The following SPATA13 variants were observed in gnomAD, a reference collection of about 807,000 sequenced individuals.
SPATA13 encodes the protein spermatogenesis-associated protein 13.
Under a neutral mutation model 104.0 loss-of-function variants are expected in SPATA13, and 50 were observed. The ratio of observed to expected loss-of-function variants is 0.48; its 90% CI spans 0.38 to 0.61. SPATA13 has a LOEUF of 0.61. Among genes scored for constraint, SPATA13 ranks in the 20% least tolerant of loss-of-function variants. The probability of loss-of-function intolerance (pLI) is 0.00; values close to 1 mark genes in which losing one functional copy is unlikely to be tolerated. For synonymous variants in SPATA13, 606 were observed against 667.5 expected, an observed-to-expected ratio of 0.91 and a Z score of 1.42; for missense variants, 1,524 against 1,690.6, an observed-to-expected ratio of 0.90 and a Z score of 1.73.
chr13:24,010,539 T>A (rs1325170561), intron 2 of SPATA13, among the ~76,000 whole-genome samples: 1 of 151,830 alleles, frequency 6.6e-6, no homozygotes, highest in Non-Finnish European at 1.5e-5. Context: ...CCAGCTTGAC[T>A]TTTCCCTTGG....
intron 2 of SPATA13, among the ~76,000 whole-genome samples, chr13:23,986,948 T>C (rs958311374): frequency 6.6e-6 from 1 of 151,952 alleles, no homozygotes; most frequent in Non-Finnish European, 1.5e-5. Context: ...TTTTACATTA[T>C]GGGAAATTTG....
At chr13:24,002,704 C>A (rs1876035926) in intron 2 of SPATA13, among the ~76,000 whole-genome samples, 1 of 152,166 alleles carries the variant, frequency 6.6e-6, no homozygotes, top group East Asian at 1.9e-4. Flanking sequence ...GGAAGAGCAT[C>A]CAGTGCACCT....
intron 1 of SPATA13, among the ~76,000 whole-genome samples, chr13:24,182,197 A>G (rs1267443718): frequency 6.6e-6 from 1 of 152,208 alleles, no homozygotes; most frequent in African/African-American, 2.4e-5. Flanking sequence ...TGAGGCTTAG[A>G]AGCAGGAAAG....
intron 2 of SPATA13, among the ~76,000 whole-genome samples, chr13:24,246,233 T>C (rs1873124014): frequency 6.6e-6 from 1 of 152,248 alleles, no homozygotes; most frequent in South Asian, 2.1e-4. Context: ...TGAACCTTTT[T>C]ATTACAGGGC....
At chr13:24,183,528 A>G (rs1868941212) in intron 1 of SPATA13, among the ~76,000 whole-genome samples, 1 of 152,298 alleles carries the variant, frequency 6.6e-6, no homozygotes, top group Non-Finnish European at 1.5e-5. Context: ...CACGGGCCAC[A>G]TGCAGCCCAA....
intron 3 of SPATA13, among the ~76,000 whole-genome samples, chr13:24,068,459 A>G (rs1306128175): frequency 6.6e-6 from 1 of 152,184 alleles, no homozygotes; most frequent in East Asian, 1.9e-4. Context: ...GTGTCTTTAT[A>G]ATAGAACAAT....
intron 3 of SPATA13, among the ~76,000 whole-genome samples, chr13:24,140,496 C>T (rs892347035): frequency 2.0e-5 from 3 of 152,204 alleles, no homozygotes; most frequent in Admixed American, 6.5e-5. Context: ...GATTCTGGAA[C>T]CCCAAACACA....
chr13:24,034,114 C>T (rs1245691309), intron 3 of SPATA13: 1 of 152,134 alleles, frequency 6.6e-6, no homozygotes, highest in Admixed American at 6.5e-5. Flanking sequence ...AATCATGAGA[C>T]CGTCGACATT....
intron 3 of SPATA13, among the ~76,000 whole-genome samples, chr13:24,124,160 T>C (rs1881133567): frequency 6.6e-6 from 1 of 152,228 alleles, no homozygotes; most frequent in African/African-American, 2.4e-5. Flanking sequence ...AGAAAGCAGT[T>C]ATTAGAGTTC....
At chr13:24,140,544 T>C (rs1881729787) in intron 3 of SPATA13, among the ~76,000 whole-genome samples, 1 of 152,158 alleles carries the variant, frequency 6.6e-6, no homozygotes, top group African/African-American at 2.4e-5. Flanking sequence ...TGGATCCAAA[T>C]TCAGCCTCTC....
intron 3 of SPATA13, among the ~76,000 whole-genome samples, chr13:24,113,489 A>T (rs1436099372): frequency 6.6e-6 from 1 of 152,194 alleles, no homozygotes; most frequent in East Asian, 1.9e-4. Context: ...CTGTAGTCCC[A>T]GCTGCTCGGG....
chr13:24,001,779 T>G (rs968040268), intron 2 of SPATA13, among the ~76,000 whole-genome samples: 3 of 151,754 alleles, frequency 2.0e-5, no homozygotes, highest in African/African-American at 7.3e-5. Context: ...GAGTCAGCAC[T>G]GGGTGGGGGC....
chr13:24,270,431 C>T (rs573257358), intron 4 of SPATA13, among the ~76,000 whole-genome samples: 4 of 152,202 alleles, frequency 2.6e-5, no homozygotes, highest in African/African-American at 4.8e-5. Flanking sequence ...GACCCCTGTG[C>T]TTTTCTCTTG....
In SPATA13 at chr13:24,297,787, C is replaced by T. The variant is rs570619548; in HGVS notation, c.3583+52C>T. 258 of 1,556,454 alleles carry T rather than the reference C, an allele frequency of 1.7e-4. 1 individual carries two copies. In the African/African-American group the frequency reaches 3.2e-3, roughly 19 times the overall value. On this transcript the variant is annotated intron_variant, in intron 11 of 12. Transcript: ENST00000382108. The stretch of plus-strand genomic sequence containing the variant: ...CCTGTGCCTCTGCTTGCTGTAATAG[C>T]TTCATTCTCCACTCCCATGGGCCTG...
At chr13:24,201,627 G>A (rs1466192373) in intron 1 of SPATA13, among the ~76,000 whole-genome samples, 1 of 152,172 alleles carries the variant, frequency 6.6e-6, no homozygotes, top group Admixed American at 6.5e-5. Context: ...TTTTAGTAGA[G>A]ACAGGGTTTC....
At chr13:24,160,430 G>T (rs1443157091), upstream of SPATA13, among the ~76,000 whole-genome samples, 1 of 152,142 alleles carries the variant, frequency 6.6e-6, no homozygotes, top group African/African-American at 2.4e-5. Flanking sequence ...TTTTATTAGA[G>T]ACGGGGTTTC....
intron 3 of SPATA13, among the ~76,000 whole-genome samples, chr13:24,151,653 A>G (rs1035923931): frequency 6.6e-6 from 1 of 152,132 alleles, no homozygotes; most frequent in African/African-American, 2.4e-5. Context: ...TCAACTGTCC[A>G]AGTTCAAACA....
chr13:23,993,178 C>T (rs1875495154), intron 2 of SPATA13, among the ~76,000 whole-genome samples: 1 of 152,226 alleles, frequency 6.6e-6, no homozygotes, highest in African/African-American at 2.4e-5. Flanking sequence ...CAAGGCTTGG[C>T]CCACTGTGGC....
At position 24,306,482 on chromosome 13, in the gene SPATA13, C is replaced by T. The variant is rs1269089215; in HGVS notation, c.*3709C>T. On this transcript the variant is annotated 3_prime_UTR_variant, in exon 13 of 13. Transcript: ENST00000382108. ...AGCTCACAGGCCAGAAATGGAGGAC[C>T]CAAGTCAACTAGGTGAAACTACTAG... The T allele has an allele frequency of 1.3e-5, 2 of 152,048 alleles. No individual in the cohort carries two copies. The highest frequency in any genetic ancestry group is 2.9e-5 in the Non-Finnish European group (2 of 68,008). 9.4% of individuals were successfully genotyped at this position (152,048 alleles called of 1,614,324 possible).
Sources: gnomAD v4.1 joint callset for allele counts (sites outside exome capture counted in the v4.1 genomes callset) on GRCh38, gnomAD v4.1.1 for gene constraint, MANE v1.5 for transcripts, NCBI Gene and HGNC (gene_info 2026-07-23, HGNC 2026-07-21) for gene names.